The following C3 variants were observed in gnomAD, a reference collection of about 807,000 sequenced individuals.
The protein encoded by C3 is complement C3.
In C3, 97 loss-of-function variants were observed where a neutral mutation model predicts 207.9. The observed-to-expected ratio is 0.47, with a 90% CI of 0.40 to 0.55. The LOEUF (loss-of-function observed/expected upper bound fraction) is 0.55, where lower values mean the gene tolerates loss of function less well. Ranked by LOEUF, C3 falls within the 20% of genes least tolerant of loss-of-function variation. The probability of loss-of-function intolerance (pLI) is 0.00; values close to 1 mark genes in which losing one functional copy is unlikely to be tolerated. For synonymous variants in C3, 848 were observed against 857.6 expected, an observed-to-expected ratio of 0.99 and a Z score of 0.20; for missense variants, 1,684 against 2,171.7, an observed-to-expected ratio of 0.78 and a Z score of 4.46.
intron 26 of C3, among the ~76,000 whole-genome samples, chr19:6,691,592 G>T (rs896901982): frequency 1.3e-5 from 2 of 152,178 alleles, no homozygotes; most frequent in African/African-American, 4.8e-5. Context: ...GAAAAGAAAG[G>T]CTGGAAGTCT....
At position 6,718,282 on chromosome 19, in the gene C3, T is replaced by A; in HGVS notation, c.398A>T (p.Gln133Leu). ...AGGGGTGTAGATGGTCTTGTCTGTC[T>A]GGATGAAGAGGTACCCGCTCTGCAG... ...VSLQSGYLFI[Q>L]TDKTIYTPGS... The change falls in exon 3 of 41, where the codon CAG (glutamine) becomes CTG (leucine). Residue 133 changes from glutamine (Q) to leucine (L), a missense_variant. Physicochemically the swap from Gln to Leu is moderately radical, Grantham distance 113. Around this residue, in one of 3 missense-constraint regions of C3, gnomAD observed 1,280 missense variants for 1,739.1 expected, o/e 0.74. Coordinates refer to ENST00000245907, the MANE Select transcript of C3 (RefSeq NM_000064.4). 6.2e-7 allele frequency: 1 copy of A among 1,613,918 alleles called. No homozygotes were observed. Among genetic ancestry groups the A allele is most frequent in the Non-Finnish European group, 8.5e-7 (1 of 1,179,964 alleles).
rs1005943159 is a variant in C3, at chr19:6,700,931, AAAAG to A, written c.2440+1192_2440+1195del. Among the ~76,000 whole-genome samples, 12 of 151,330 alleles carry A rather than the reference AAAAG, an allele frequency of 7.9e-5. No homozygotes were observed. The South Asian group carries it at 1.5e-3, about 18-fold the overall frequency. On this transcript the variant is annotated intron_variant, in intron 19 of 40. Transcript: ENST00000245907. The stretch of plus-strand genomic sequence containing the variant: ...CCGAGTGAGACTCCTTCTCAAAAAC[AAAAG>A]AAAGAAAGAAAAGCATCAATTTTAG...
At position 6,710,993 on chromosome 19, in the gene C3, G is replaced by A. The variant is rs1410224719; in HGVS notation, c.1473C>T (p.Thr491=). The change falls in exon 12 of 41, where the codon ACC becomes ACT. Residue 491 remains threonine, a synonymous_variant. Transcript: ENST00000245907. ...TTTCCAGGTGGCCACGGACCAGGTA[G>A]GTGTAGTAGCGGATCTTGGCCTCGT... ...RAHEAKIRYY[T]YLIMNKGRLL... is the part of the protein sequence containing the mutation. 6.2e-7 allele frequency: 1 copy of A among 1,613,926 alleles called. No individual in the cohort carries two copies. Among genetic ancestry groups the A allele is most frequent in the Non-Finnish European group, 8.5e-7 (1 of 1,179,932 alleles).
intron 19 of C3, among the ~76,000 whole-genome samples, chr19:6,698,616 G>T (rs901673781): frequency 6.6e-6 from 1 of 152,010 alleles, no homozygotes; most frequent in Admixed American, 6.6e-5. Context: ...GGCTGAGGCA[G>T]GAGGATTGCT....
At chr19:6,684,518 G>T (rs1917947790) in intron 32 of C3, 42 bp downstream of exon 32, 3 of 1,572,324 alleles carry the variant, frequency 1.9e-6, no homozygotes, top group African/African-American at 1.3e-5. Context: ...ATTAGAAGAG[G>T]GGTAGGAGGA....
At chr19:6,686,076 C>A (rs371683176) in intron 29 of C3, 48 bp downstream of exon 29, 1 of 1,599,982 alleles carries the variant, frequency 6.3e-7, no homozygotes, top group Non-Finnish European at 8.6e-7. Flanking sequence ...CAGTGGGAAG[C>A]CGCAGGAGAC....
At chr19:6,709,965 G>C (rs965096873) in intron 13 of C3, 123 bp from the exon 14 acceptor site, 3 of 756,570 alleles carry the variant, frequency 4.0e-6, no homozygotes, top group Non-Finnish European at 2.2e-6. Flanking sequence ...GGGCTGGGGA[G>C]GGGGAGAGAG....
Position 6,677,788 on chromosome 19 carries a change from G to C in C3, c.*94C>G. On this transcript the variant is annotated 3_prime_UTR_variant, in exon 41 of 41. Coordinates refer to ENST00000245907, the MANE Select transcript of C3 (RefSeq NM_000064.4). ...GATGGAGCTGAGCTGCAGGTGAGGC[G>C]GCTGGGGATTTCAGCCTCTCCCTCT... is the stretch of plus-strand genomic sequence containing the variant. The C allele has an allele frequency of 6.7e-7, 1 of 1,493,020 alleles. No individual in the cohort carries two copies. Among genetic ancestry groups the C allele is most frequent in the East Asian group, 2.3e-5 (1 of 44,078 alleles). 92.5% of individuals were successfully genotyped at this position (1,493,020 alleles called of 1,614,324 possible). A position where few individuals can be genotyped will look rare whatever the true frequency, so the allele number is the denominator to read the frequency against.
In C3 at chr19:6,679,036, G is replaced by A; in HGVS notation, c.4630+89C>T. Reference sequence around the variant, plus strand: ...CAGTCACCCACACCCACAGCCTGAAGCCACACCATGACAACCACACCTACC... The same window carrying A: ...CAGTCACCCACACCCACAGCCTGAAACCACACCATGACAACCACACCTACC... On this transcript the variant is annotated intron_variant, in intron 38 of 40. Coordinates refer to ENST00000245907, the MANE Select transcript of C3 (RefSeq NM_000064.4). The A allele has an allele frequency of 2.3e-5, 23 of 999,730 alleles. No homozygotes were observed. In the South Asian group the frequency reaches 3.0e-4, roughly 13 times the overall value. The allele number at this position is 999,730 out of a possible 1,614,324, so 61.9% of individuals were successfully genotyped here.
rs1350309791 is a variant in C3 at position 6,700,219 on chromosome 19, T to C, written c.2440+1908A>G. On this transcript the variant is annotated intron_variant, in intron 19 of 40. Coordinates refer to ENST00000245907, the MANE Select transcript of C3 (RefSeq NM_000064.4). ...ACATGTGTAATATGTATATATTACATATATATTATATATGTAATATACAAT... is the reference window on the plus strand; with the variant it reads ...ACATGTGTAATATGTATATATTACACATATATTATATATGTAATATACAAT... Among the ~76,000 whole-genome samples, 2 of 132,404 alleles carry C rather than the reference T, an allele frequency of 1.5e-5. 1 individual carries two copies. Among genetic ancestry groups the C allele is most frequent in the Admixed American group, 1.6e-4 (2 of 12,372 alleles). 86.9% of individuals were successfully genotyped at this position (132,404 alleles called of 152,430 possible).
chr19:6,689,354 T>TCC (rs772102600), intron 27 of C3, among the ~76,000 whole-genome samples: 1 of 29,104 alleles, frequency 3.4e-5, no homozygotes, highest in Admixed American at 3.7e-4. Context: ...CCTCCCTCCC[T>TCC]CCCTCCCTCT....
chr19:6,693,122 A>AAT, intron 25 of C3, 39 bp from the exon 26 acceptor site: 1 of 1,608,164 alleles, frequency 6.2e-7, no homozygotes, highest in South Asian at 1.1e-5. Context: ...CGGCTCTGAG[A>AAT]TCCAGAGACT....
At chr19:6,709,611 T>TTCCCCCCCCCCCCCCCCC in intron 14 of C3, 73 bp downstream of exon 14, 13 of 1,109,430 alleles carry the variant, frequency 1.2e-5, no homozygotes, top group East Asian at 5.1e-5. Flanking sequence ...CCCTCTCCAG[T>TTCCCCCCCCCCCCCCCCC]CCCACCCACC....
Position 6,681,980 on chromosome 19 carries a change from G to GTCCA in C3, c.4310_4311insTGGA (p.Phe1438GlyfsTer5). The GTCCA allele has an allele frequency of 6.2e-7, 1 of 1,613,974 alleles. No individual in the cohort carries two copies. The highest frequency in any genetic ancestry group is 8.5e-7 in the Non-Finnish European group (1 of 1,179,908). On this transcript the variant is annotated frameshift_variant, in exon 35 of 41. Transcript: ENST00000245907. LOFTEE classifies it high-confidence loss of function. Reference sequence around the variant, plus strand: ...TGATGAGGGTGTTCCTATCGGAGAAGGCTTTGTCCAGCTCATACTTGGAGA... The same window carrying GTCCA: ...TGATGAGGGTGTTCCTATCGGAGAAGTCCAGCTTTGTCCAGCTCATACTTGGAGA...
Position 6,678,291 on chromosome 19 carries a change from G to T in C3, c.4715-4C>A, listed in dbSNP as rs768076065. 1 of 1,614,060 alleles carries T rather than the reference G, an allele frequency of 6.2e-7. No homozygotes were observed. Among genetic ancestry groups the T allele is most frequent in the Non-Finnish European group, 8.5e-7 (1 of 1,180,044 alleles). On this transcript the variant is annotated splice_region_variant and splice_polypyrimidine_tract_variant and intron_variant, in intron 39 of 40. Coordinates refer to ENST00000245907, the MANE Select transcript of C3 (RefSeq NM_000064.4). ...CCAACCTGCACCTCATCCGAGCCTG[G>T]AGTGGAGGGGAGAGGGAAGAAGCTG...
At chr19:6,718,765 AGAG>A (rs1269581861) in intron 2 of C3, among the ~76,000 whole-genome samples, 1 of 149,158 alleles carries the variant, frequency 6.7e-6, no homozygotes, top group Admixed American at 6.7e-5. Flanking sequence ...GGAGTTCAGA[AGAG>A]GAGACTTCGA....
In C3 at chr19:6,684,763, T is replaced by G; in HGVS notation, c.4029+12A>C. On this transcript the variant is annotated intron_variant, in intron 31 of 40. Coordinates refer to ENST00000245907, the MANE Select transcript of C3 (RefSeq NM_000064.4). Reference sequence around the variant, plus strand: ...GGCATGGGCCAGGCAGGTGTGGGTTTCTGTTCCTTACCGACAAGGTGCCTT... The same window carrying G: ...GGCATGGGCCAGGCAGGTGTGGGTTGCTGTTCCTTACCGACAAGGTGCCTT... The G allele has an allele frequency of 6.2e-7, 1 of 1,614,124 alleles. No individual in the cohort carries two copies. Among genetic ancestry groups the G allele is most frequent in the Non-Finnish European group, 8.5e-7 (1 of 1,179,944 alleles).
At chr19:6,695,316 T>C (rs557553630) in intron 23 of C3, among the ~76,000 whole-genome samples, 1 of 151,670 alleles carries the variant, frequency 6.6e-6, no homozygotes, top group South Asian at 2.1e-4. Context: ...GTAGATACTA[T>C]TATTCTACCC....
At chr19:6,706,977 G>GCCCCC in intron 17 of C3, 99 bp downstream of exon 17, 117 of 442,650 alleles carry the variant, frequency 2.6e-4, no homozygotes, top group South Asian at 1.1e-3. Context: ...GCCTCCTCCA[G>GCCCCC]CCCCACCCCC....
Sources: allele counts gnomAD v4.1 joint callset (sites outside exome capture counted in the v4.1 genomes callset), GRCh38; gene constraint gnomAD v4.1.1; regional missense constraint gnomAD v4.1.1; transcripts MANE v1.5; gene names NCBI Gene and HGNC (gene_info 2026-07-23, HGNC 2026-07-21).